Variants in BAZ2B observed in about 807,000 individuals in gnomAD.
BAZ2B encodes bromodomain adjacent to zinc finger domain protein 2B.
A neutral mutation model predicts 246.0 loss-of-function variants in BAZ2B; 91 were observed. The ratio of observed to expected loss-of-function variants is 0.37; its 90% CI spans 0.31 to 0.44. BAZ2B has a LOEUF of 0.44. BAZ2B is among the 20% of genes least tolerant of loss of function. BAZ2B has a pLI of 1.00. For missense variants in BAZ2B, 2,332 were observed against 2,533.7 expected (o/e 0.92, Z 1.71); for synonymous variants, 855 against 860.0 (o/e 0.99, Z 0.10).
chr2:159,589,145 G>T (rs1578687012), intron 1 of BAZ2B, among the ~76,000 whole-genome samples: 1 of 152,234 alleles, frequency 6.6e-6, no homozygotes, highest in East Asian at 1.9e-4. Flanking sequence ...TTAACACATG[G>T]ATGAAGACTG....
intron 20 of BAZ2B, among the ~76,000 whole-genome samples, chr2:159,393,600 A>G (rs1281789828): frequency 6.7e-6 from 1 of 148,490 alleles, no homozygotes; most frequent in Non-Finnish European, 1.5e-5. Flanking sequence ...AGATTTGCCC[A>G]TGAGTATTCT....
In BAZ2B at chr2:159,572,241, T is replaced by C. The variant is rs1313824405; in HGVS notation, c.-45-16376A>G. The stretch of plus-strand genomic sequence containing the variant: ...TTTGTTATCTGTTATAATAAACTGA[T>C]AAGTATAGCACTTTCCTGAGCTCAA... On this transcript the variant is annotated intron_variant, in intron 1 of 36. Coordinates refer to ENST00000392783, the MANE Select transcript of BAZ2B (RefSeq NM_013450.4). Among the ~76,000 whole-genome samples the C allele has an allele frequency of 2.0e-5, 3 of 152,322 alleles. No homozygotes were observed. The East Asian group carries it at 5.8e-4, about 29-fold the overall frequency.
At chr2:159,479,646 T>C (rs2079024749) in intron 2 of BAZ2B, among the ~76,000 whole-genome samples, 1 of 152,176 alleles carries the variant, frequency 6.6e-6, no homozygotes, top group South Asian at 2.1e-4. Flanking sequence ...AGAAGAACTG[T>C]ATCTTTACTA....
chr2:159,504,648 T>C lies in BAZ2B; in HGVS notation c.-2-25927A>G, dbSNP rs35687285. Among the ~76,000 whole-genome samples, 213 of 152,376 alleles carry C rather than the reference T, an allele frequency of 1.4e-3. 1 individual carries two copies. The highest frequency in any genetic ancestry group is 3.4e-3 in the Middle Eastern group (1 of 294). ...TTATTTGTGTAAGCTAATTTTATTTTACTAAAAACACATCAATACCTTGGG... is the reference window on the plus strand; with the variant it reads ...TTATTTGTGTAAGCTAATTTTATTTCACTAAAAACACATCAATACCTTGGG... On this transcript the variant is annotated intron_variant, in intron 2 of 36. Coordinates refer to ENST00000392783, the MANE Select transcript of BAZ2B (RefSeq NM_013450.4).
chr2:159,318,972 TAA>T (rs2062398588), downstream of BAZ2B: 1 of 152,576 alleles, frequency 6.6e-6, no homozygotes, highest in Admixed American at 6.6e-5. Context: ...TAAGAAAAAC[TAA>T]AAAATTAGTT....
intron 2 of BAZ2B, among the ~76,000 whole-genome samples, chr2:159,487,001 C>T (rs1237972509): frequency 1.3e-5 from 2 of 152,028 alleles, no homozygotes; most frequent in Non-Finnish European, 2.9e-5. Context: ...TCTAGAAAAA[C>T]ATGTAAGAAA....
chr2:159,344,517 A>G (rs2149072920), intron 31 of BAZ2B, among the ~76,000 whole-genome samples: 1 of 139,898 alleles, frequency 7.1e-6, no homozygotes, highest in East Asian at 2.1e-4. Context: ...CCGGGCAACA[A>G]GAGTGAAACT....
At chr2:159,562,337 T>C (rs1434300093) in intron 1 of BAZ2B, among the ~76,000 whole-genome samples, 1 of 152,188 alleles carries the variant, frequency 6.6e-6, no homozygotes, top group East Asian at 1.9e-4. Flanking sequence ...TAAAAAACCA[T>C]GGAAACAAAG....
At chr2:159,508,689 T>C (rs773885526) in intron 2 of BAZ2B, among the ~76,000 whole-genome samples, 4 of 152,198 alleles carry the variant, frequency 2.6e-5, no homozygotes, top group Non-Finnish European at 5.9e-5. Context: ...ATGCATTACA[T>C]ACTCTCATGT....
At position 159,430,912 on chromosome 2, in the gene BAZ2B, A is replaced by G. The variant is rs1448833871; in HGVS notation, c.2145T>C (p.Pro715=). ...TGGAAGAAGATGTACCAAGAAAAGC[A>G]GGTGACTGGGATTCAGAACATAAGG... is the stretch of plus-strand genomic sequence containing the variant. ...PAALCSESQS[P]AFLGTSSSTL... The change falls in exon 10 of 37, where the codon CCT becomes CCC. Residue 715 remains proline (P), a synonymous_variant. Transcript: ENST00000392783. 7 of 1,613,864 alleles carry G rather than the reference A, an allele frequency of 4.3e-6. 1 individual carries two copies. Among genetic ancestry groups the G allele is most frequent in the African/African-American group, 1.3e-5 (1 of 74,930 alleles).
At chr2:159,566,382 A>G (rs1682596473) in intron 1 of BAZ2B, among the ~76,000 whole-genome samples, 1 of 152,170 alleles carries the variant, frequency 6.6e-6, no homozygotes, top group South Asian at 2.1e-4. Flanking sequence ...TAGTGTAAAA[A>G]CGTCATGTAC....
intron 34 of BAZ2B, among the ~76,000 whole-genome samples, chr2:159,330,700 T>TA (rs111382817): frequency 0.3 from 44,120 of 146,550 alleles, 6,698 homozygotes; most frequent in African/African-American, 0.4. Context: ...TCTACAAAAT[T>TA]AAAAAAAAAA....
At chr2:159,543,535 CTTTT>C (rs199527937) in intron 2 of BAZ2B, among the ~76,000 whole-genome samples, 1 of 127,304 alleles carries the variant, frequency 7.9e-6, no homozygotes, top group Admixed American at 8.0e-5. Context: ...CTTAACAATT[CTTTT>C]TTTTTTTTTT....
intron 35 of BAZ2B, among the ~76,000 whole-genome samples, chr2:159,325,354 C>A (rs2063567257): frequency 6.6e-6 from 1 of 150,928 alleles, no homozygotes; most frequent in Non-Finnish European, 1.5e-5. Context: ...TGGTCTTGAA[C>A]TCCTGACCTC....
chr2:159,522,025 TATAATC>T (rs2084191546), intron 2 of BAZ2B, among the ~76,000 whole-genome samples: 1 of 152,078 alleles, frequency 6.6e-6, no homozygotes, highest in South Asian at 2.1e-4. Flanking sequence ...GTAGGGCTAA[TATAATC>T]ATTAAAATGA....
chr2:159,508,950 C>T (rs1447892910), intron 2 of BAZ2B, among the ~76,000 whole-genome samples: 1 of 152,140 alleles, frequency 6.6e-6, no homozygotes, highest in African/African-American at 2.4e-5. Flanking sequence ...CTCCCCATTT[C>T]CTCACTCTTA....
chr2:159,570,631 C>A (rs567979480), intron 1 of BAZ2B, among the ~76,000 whole-genome samples: 11 of 141,922 alleles, frequency 7.8e-5, no homozygotes, highest in African/African-American at 2.4e-4. Context: ...CATTTATATC[C>A]CAGCACATTT....
the BAZ2B span, chr2:159,710,574 T>C: frequency 6.6e-6 from 1 of 152,172 alleles, no homozygotes; most frequent in Non-Finnish European, 1.5e-5. Context: ...ACCTGAATAC[T>C]AAAATCAGAG....
the BAZ2B span, among the ~76,000 whole-genome samples, chr2:159,653,266 C>CA: frequency 1.3e-5 from 2 of 152,140 alleles, no homozygotes; most frequent in African/African-American, 4.8e-5. Context: ...ATTAACCTCC[C>CA]ACAGCACCTT....
Sources: allele counts gnomAD v4.1 joint callset (sites outside exome capture counted in the v4.1 genomes callset), GRCh38; gene constraint gnomAD v4.1.1; transcripts MANE v1.5; gene names NCBI Gene and HGNC (gene_info 2026-07-23, HGNC 2026-07-21).